The following ZBTB20 variants were observed in gnomAD, a reference collection of about 807,000 sequenced individuals.
ZBTB20 encodes zinc finger and BTB domain-containing protein 20.
ZBTB20 carries 9 observed loss-of-function variants against 56.9 expected under a neutral mutation model. The ratio of observed to expected loss-of-function variants is 0.16; its 90% confidence interval spans 0.10 to 0.28. ZBTB20 has a LOEUF of 0.28. Ranked by LOEUF, ZBTB20 falls within the 10% of genes least tolerant of loss-of-function variation. The probability of loss-of-function intolerance (pLI) is 1.00; values close to 1 mark genes in which losing one functional copy is unlikely to be tolerated. For synonymous variants in ZBTB20, 417 were observed against 420.7 expected, an observed-to-expected ratio of 0.99 and a Z score of 0.11; for missense variants, 655 against 1,003.0, an observed-to-expected ratio of 0.65 and a Z score of 4.69.
At chr3:114,951,928 A>G (rs1043343831) in intron 3 of ZBTB20, among the ~76,000 whole-genome samples, 1 of 152,102 alleles carries the variant, frequency 6.6e-6, no homozygotes, top group Non-Finnish European at 1.5e-5. Flanking sequence ...ATAAAATTTT[A>G]AAAAAATACA....
At chr3:115,047,465 A>C (rs951489097) in intron 2 of ZBTB20, among the ~76,000 whole-genome samples, 1 of 152,168 alleles carries the variant, frequency 6.6e-6, no homozygotes, top group Non-Finnish European at 1.5e-5. Context: ...GCACTTATTA[A>C]ATGTACATTT....
Position 115,107,417 on chromosome 3 carries a change from C to CA in ZBTB20, c.-702-36004dup, listed in dbSNP as rs59267707. Among the ~76,000 whole-genome samples the CA allele has an allele frequency of 4.6e-3, 515 of 112,726 alleles. 2 individuals are homozygous for CA. The highest frequency in any genetic ancestry group is 0.017 in the Middle Eastern group (3 of 178). The allele number at this position is 112,726 out of a possible 152,430, so 74.0% of individuals were successfully genotyped here. A position where few individuals can be genotyped will look rare whatever the true frequency, so the allele number is the denominator to read the frequency against. On this transcript the variant is annotated intron_variant, in intron 1 of 11. Coordinates refer to ENST00000675478, the MANE Select transcript of ZBTB20 (RefSeq NM_001348800.3). The stretch of plus-strand genomic sequence containing the variant: ...CCTGGGTGACAGAGTGAGACTGTGT[C>CA]AAAAAAAAAAAAAAAAGTTTGTTAA...
intron 2 of ZBTB20, among the ~76,000 whole-genome samples, chr3:115,034,822 C>T (rs1045035752): frequency 5.3e-5 from 8 of 151,856 alleles, no homozygotes; most frequent in Non-Finnish European, 8.8e-5. Flanking sequence ...GGTTTCAAAA[C>T]GTACTACAAA....
At chr3:115,090,697 C>A (rs938401793) in intron 1 of ZBTB20, among the ~76,000 whole-genome samples, 1 of 151,672 alleles carries the variant, frequency 6.6e-6, no homozygotes, top group African/African-American at 2.4e-5. Context: ...TATTTGTATA[C>A]TACTTTACTA....
At chr3:114,750,204 C>A (rs566735198) in intron 5 of ZBTB20, among the ~76,000 whole-genome samples, 3 of 152,082 alleles carry the variant, frequency 2.0e-5, no homozygotes. Flanking sequence ...TTTAAAAAAC[C>A]AGTTTTTAAA....
chr3:114,605,691 C>T (rs961159805), intron 6 of ZBTB20, among the ~76,000 whole-genome samples: 3 of 152,014 alleles, frequency 2.0e-5, no homozygotes, highest in African/African-American at 4.8e-5. Context: ...AGAACAGAGG[C>T]GTGGGACTCT....
chr3:114,447,384 C>T (rs1402438740), intron 7 of ZBTB20, among the ~76,000 whole-genome samples: 1 of 152,178 alleles, frequency 6.6e-6, no homozygotes, highest in African/African-American at 2.4e-5. Context: ...CACCAAAATC[C>T]TGCATGTGCA....
At chr3:114,615,047 A>G (rs1428753864) in intron 6 of ZBTB20, among the ~76,000 whole-genome samples, 1 of 152,142 alleles carries the variant, frequency 6.6e-6, no homozygotes, top group Non-Finnish European at 1.5e-5. Flanking sequence ...GATTACAGGC[A>G]TGAGCCACCG....
At chr3:115,080,970 C>T (rs1334774908) in intron 1 of ZBTB20, among the ~76,000 whole-genome samples, 3 of 151,978 alleles carry the variant, frequency 2.0e-5, no homozygotes, top group African/African-American at 7.3e-5. Context: ...AGGTCAATGG[C>T]ACAGAATAGA....
intron 5 of ZBTB20, among the ~76,000 whole-genome samples, chr3:114,703,335 C>A (rs1378233976): frequency 1.3e-5 from 2 of 152,104 alleles, no homozygotes; most frequent in Non-Finnish European, 2.9e-5. Flanking sequence ...GCAATTGCAA[C>A]AACTTTGGCA....
At chr3:114,999,091 G>A (rs1391751163) in intron 2 of ZBTB20, among the ~76,000 whole-genome samples, 1 of 145,424 alleles carries the variant, frequency 6.9e-6, no homozygotes, top group African/African-American at 2.5e-5. Context: ...GAGAGGAGCA[G>A]GGAAATGAAA....
chr3:115,047,863 T>G (rs1241470496), intron 2 of ZBTB20, among the ~76,000 whole-genome samples: 1 of 152,104 alleles, frequency 6.6e-6, no homozygotes. Context: ...TGACAGTTCC[T>G]CAGTCCCAGA....
chr3:114,540,136 T>C (rs1278973560), intron 6 of ZBTB20, among the ~76,000 whole-genome samples: 1 of 152,026 alleles, frequency 6.6e-6, no homozygotes, highest in Non-Finnish European at 1.5e-5. Flanking sequence ...ATCATTTAGC[T>C]CCCACTTATA....
At chr3:114,962,387 C>T (rs6769424) in intron 3 of ZBTB20, among the ~76,000 whole-genome samples, 19,520 of 152,024 alleles carry the variant, frequency 0.13, 2,776 homozygotes, top group African/African-American at 0.35. Flanking sequence ...TGGTCCCTTA[C>T]TGGAAAGGAA....
intron 3 of ZBTB20, among the ~76,000 whole-genome samples, chr3:114,950,629 G>A (rs913451766): frequency 2.0e-5 from 3 of 152,068 alleles, no homozygotes; most frequent in Non-Finnish European, 4.4e-5. Context: ...ATCTACTAAA[G>A]CTGAACATAA....
At chr3:114,928,407 C>T (rs1324171665) in intron 3 of ZBTB20, among the ~76,000 whole-genome samples, 1 of 145,382 alleles carries the variant, frequency 6.9e-6, no homozygotes, top group Non-Finnish European at 1.5e-5. Flanking sequence ...TGATGGAGAA[C>T]CTCAAGGTTC....
chr3:114,974,944 GAAAT>G (rs1224593013), intron 2 of ZBTB20, among the ~76,000 whole-genome samples: 2 of 152,214 alleles, frequency 1.3e-5, no homozygotes, highest in African/African-American at 4.8e-5. Flanking sequence ...TGGGTGGAAA[GAAAT>G]AAAGATGCAA....
chr3:114,628,269 G>C (rs1461622847), intron 6 of ZBTB20, among the ~76,000 whole-genome samples: 2 of 151,922 alleles, frequency 1.3e-5, no homozygotes, highest in Non-Finnish European at 2.9e-5. Context: ...TAGATATTTT[G>C]AGTCATAAAC....
intron 4 of ZBTB20, among the ~76,000 whole-genome samples, chr3:114,856,963 T>C (rs972545337): frequency 2.0e-5 from 3 of 152,218 alleles, no homozygotes; most frequent in African/African-American, 7.2e-5. Flanking sequence ...GGCTGTAATA[T>C]CTGCCCTGAA....
Sources: allele counts gnomAD v4.1 joint callset (sites outside exome capture counted in the v4.1 genomes callset), GRCh38; gene constraint gnomAD v4.1.1; transcripts MANE v1.5; gene names NCBI Gene and HGNC (gene_info 2026-07-23, HGNC 2026-07-21).